Variants in DMD observed in about 807,000 individuals in gnomAD.
DMD encodes mutant dystrophin.
Under a neutral mutation model 330.1 loss-of-function variants are expected in DMD, and 63 were observed. The ratio of observed to expected loss-of-function variants is 0.19; its 90% CI spans 0.16 to 0.24. The LOEUF is 0.24. Ranked by LOEUF, DMD falls within the 10% of genes least tolerant of loss-of-function variation. The pLI is 1.00. For missense variants in DMD, 3,344 were observed against 2,684.1 expected, an observed-to-expected ratio of 1.25 and a Z score of -5.43; for synonymous variants, 1,223 against 959.8, an observed-to-expected ratio of 1.27 and a Z score of -5.07.
At chrX:32,113,323 A>C (rs1048441462) in intron 44 of DMD, among the ~76,000 whole-genome samples, 1 of 112,593 alleles carries the variant, frequency 8.9e-6, no homozygotes, top group Non-Finnish European at 1.9e-5. Flanking sequence ...AATGTTCCCA[A>C]CACAAAGCAA....
intron 18 of DMD, among the ~76,000 whole-genome samples, chrX:32,509,189 TAA>T (rs76536849): frequency 0.07 from 6,072 of 86,185 alleles, 394 homozygotes; most frequent in African/African-American, 0.19. Flanking sequence ...TAAAAAGTGT[TAA>T]AAAAAAAAAA....
At chrX:32,534,407 C>G (rs2047760072) in intron 17 of DMD, among the ~76,000 whole-genome samples, 1 of 111,062 alleles carries the variant, frequency 9.0e-6, no homozygotes. Context: ...AACTCACTTA[C>G]AAATGTGTGC....
At chrX:32,451,658 T>C (rs753393784) in intron 26 of DMD, among the ~76,000 whole-genome samples, 1 of 110,875 alleles carries the variant, frequency 9.0e-6, no homozygotes, top group Non-Finnish European at 1.9e-5. Flanking sequence ...CTATTTCTTC[T>C]TTGAGTATCA....
chrX:32,014,975 T>C (rs2095748777), intron 44 of DMD, among the ~76,000 whole-genome samples: 2 of 112,368 alleles, frequency 1.8e-5, no homozygotes, highest in South Asian at 7.3e-4. Context: ...TGGTAGTTCT[T>C]AACACCCTTG....
intron 42 of DMD, among the ~76,000 whole-genome samples, chrX:32,299,231 T>C (rs1353486852): frequency 9.1e-6 from 1 of 110,388 alleles, no homozygotes; most frequent in Non-Finnish European, 1.9e-5. Flanking sequence ...ACTTATTGTT[T>C]TATCTCTTTA....
intron 55 of DMD, among the ~76,000 whole-genome samples, chrX:31,611,454 T>C (rs1421954058): frequency 1.8e-5 from 2 of 111,884 alleles, no homozygotes; most frequent in Non-Finnish European, 3.8e-5. Flanking sequence ...TTAATACTTC[T>C]ATTAAAAAAA....
chrX:31,943,612 C>T (rs2150057048), intron 45 of DMD, among the ~76,000 whole-genome samples: 1 of 111,206 alleles, frequency 9.0e-6, no homozygotes, highest in Admixed American at 9.6e-5. Context: ...TCTTCCTAAC[C>T]CACAACCAAC....
intron 52 of DMD, among the ~76,000 whole-genome samples, chrX:31,721,712 CTCTCTCTA>C (rs1276035148): frequency 6.1e-4 from 38 of 62,028 alleles, no homozygotes; most frequent in African/African-American, 1.4e-3. Flanking sequence ...CTCTCTCTCT[CTCTCTCTA>C]TATATATATA....
intron 43 of DMD, among the ~76,000 whole-genome samples, chrX:32,258,982 G>A (rs1412169099): frequency 1.8e-5 from 2 of 110,975 alleles, no homozygotes; most frequent in African/African-American, 6.5e-5. Context: ...ACTACAAATT[G>A]TGGACTCACA....
chrX:31,344,603 C>T (rs189279432), intron 61 of DMD, among the ~76,000 whole-genome samples: 1,387 of 111,260 alleles, frequency 0.012, 19 homozygotes, highest in African/African-American at 0.043. Flanking sequence ...AATCTCAACA[C>T]TTTGGGAGGC....
intron 7 of DMD, among the ~76,000 whole-genome samples, chrX:32,791,341 G>A (rs2075805868): frequency 9.0e-6 from 1 of 111,301 alleles, no homozygotes; most frequent in Non-Finnish European, 1.9e-5. Flanking sequence ...TAAGCCAAAG[G>A]GTTAGCCTGC....
intron 13 of DMD, chrX:32,583,826 G>A (rs575588137): frequency 8.9e-6 from 1 of 112,300 alleles, no homozygotes; most frequent in African/African-American, 3.3e-5. Flanking sequence ...TAGGTGGATT[G>A]TAATACGAAA....
chrX:31,639,240 G>A (rs2079588580), intron 54 of DMD, among the ~76,000 whole-genome samples: 1 of 111,687 alleles, frequency 9.0e-6, no homozygotes, highest in South Asian at 3.7e-4. Flanking sequence ...TGATTGAAGA[G>A]TGTTACTATA....
rs144618534 is a variant in DMD at position 32,941,857 on chromosome X, A to G, written c.93+78282T>C. 2.9e-3 allele frequency among the ~76,000 whole-genome samples: 272 copies of G among 94,074 alleles called. 3 individuals are homozygous for G. The highest frequency in any genetic ancestry group is 4.2e-3 in the Admixed American group (41 of 9,685). 81.7% of individuals were successfully genotyped at this position (94,074 alleles called of 115,157 possible). On this transcript the variant is annotated intron_variant, in intron 2 of 78. Transcript: ENST00000357033. ...GGGGTCAGGGAAATAGGCTGCTTCG[A>G]TATCATACAACTCTCTTTTTAAAAG...
At chrX:33,163,117 A>T (rs1409260698) in intron 1 of DMD, among the ~76,000 whole-genome samples, 2 of 111,800 alleles carry the variant, frequency 1.8e-5, no homozygotes, top group South Asian at 3.7e-4. Flanking sequence ...TTAAAAATGA[A>T]TTCATAACAT....
At chrX:33,204,877 AT>A (rs2051475078) in intron 1 of DMD, among the ~76,000 whole-genome samples, 1 of 112,496 alleles carries the variant, frequency 8.9e-6, no homozygotes, top group African/African-American at 3.2e-5. Context: ...GAGCCAATCC[AT>A]TTTCAGACAT....
chrX:32,268,904 C>A (rs745702458), intron 43 of DMD, among the ~76,000 whole-genome samples: 2 of 108,930 alleles, frequency 1.8e-5, no homozygotes, highest in South Asian at 8.2e-4. Flanking sequence ...AGGAGACCCC[C>A]CACCCCCGCC....
intron 44 of DMD, among the ~76,000 whole-genome samples, chrX:32,103,042 T>G (rs778023993): frequency 4.9e-4 from 55 of 111,968 alleles, no homozygotes; most frequent in African/African-American, 1.7e-3. Flanking sequence ...GTGATTACTT[T>G]TGAACTTGGT....
intron 4 of DMD, among the ~76,000 whole-genome samples, chrX:32,828,391 A>G (rs1157340842): frequency 9.1e-6 from 1 of 110,014 alleles, no homozygotes; most frequent in Non-Finnish European, 1.9e-5. Context: ...TCAGATACTG[A>G]TGCTTCTACT....
Sources: allele counts gnomAD v4.1 joint callset (sites outside exome capture counted in the v4.1 genomes callset), GRCh38; gene constraint gnomAD v4.1.1; transcripts MANE v1.5; gene names NCBI Gene and HGNC (gene_info 2026-07-23, HGNC 2026-07-21).